The following CHAF1A variants were observed in gnomAD, a reference collection of about 807,000 sequenced individuals.
CHAF1A encodes chromatin assembly factor 1 subunit A.
In CHAF1A, 5 loss-of-function variants were observed where a neutral mutation model predicts 93.2. The ratio of observed to expected loss-of-function variants is 0.05; its 90% confidence interval spans 0.03 to 0.11. The LOEUF (loss-of-function observed/expected upper bound fraction) is 0.11. Ranked by LOEUF, CHAF1A falls within the 10% of genes least tolerant of loss-of-function variation. The pLI is 1.00. For missense variants in CHAF1A, 1,102 were observed against 1,259.9 expected (o/e 0.87, Z 1.90); for synonymous variants, 504 against 510.3 (o/e 0.99, Z 0.17).
Position 4,430,563 on chromosome 19 carries a change from C to T in CHAF1A, c.1869C>T (p.Asp623=), listed in dbSNP as rs371160804. The T allele has an allele frequency of 1.3e-4, 214 of 1,593,300 alleles. No individual in the cohort carries two copies. Among genetic ancestry groups the T allele is most frequent in the Admixed American group, 4.5e-4 (27 of 59,854 alleles). Residue 623 remains aspartate, a synonymous_variant, in exon 11 of 15, where the codon GAC becomes GAT. Transcript: ENST00000301280. The part of the protein sequence containing the change: ...LSHSEGDDDD[D]MGEDEDEDDG... Reference sequence around the variant, plus strand: ...CTCCTTTTGAGGATGATGATGACGACATGGGAGAGGATGAAGATGAGGACG... The same window carrying T: ...CTCCTTTTGAGGATGATGATGACGATATGGGAGAGGATGAAGATGAGGACG...
rs1973964365 is a variant in CHAF1A at position 4,420,101 on chromosome 19, T to C, written c.1017+2025T>C. On this transcript the variant is annotated intron_variant, in intron 4 of 14. Transcript: ENST00000301280. ...GATGTATTGGAACACATTTAGAATT[T>C]TTCCTTAGAGACAAGGGCAGATATC... Among the ~76,000 whole-genome samples the C allele has an allele frequency of 2.6e-5, 4 of 152,150 alleles. No homozygotes were observed. The South Asian group carries it at 8.3e-4, about 32-fold the overall frequency.
intron 3 of CHAF1A, among the ~76,000 whole-genome samples, chr19:4,415,119 A>T (rs1568432543): frequency 6.6e-6 from 1 of 151,910 alleles, no homozygotes; most frequent in Non-Finnish European, 1.5e-5. Context: ...TTGGCAGTTG[A>T]GGGTGCTGTC....
In CHAF1A at chr19:4,409,007, G is replaced by A. The variant is rs997164464; in HGVS notation, c.208G>A (p.Ala70Thr). 7 of 1,614,038 alleles carry A rather than the reference G, an allele frequency of 4.3e-6. No individual in the cohort carries two copies. The Admixed American group carries it at 6.7e-5, about 15-fold the overall frequency. The stretch of plus-strand genomic sequence containing the variant: ...GCAAAGTAAAAGCCCCGATTTAGAG[G>A]CCTCTTTGGACACCTTGGAAAACAA... ...SVQSKSPDLEASLDTLENNCH... is the reference protein window; with the variant it reads ...SVQSKSPDLETSLDTLENNCH... The change falls in exon 3 of 15, where the codon GCC becomes ACC. Residue 70 changes from alanine (A) to threonine (T), a missense_variant. By Grantham distance (58) the Ala-to-Thr change is moderately conservative. Around this residue, in one of 6 missense-constraint regions of CHAF1A, gnomAD observed 379 missense variants for 365.7 expected, o/e 1.04. Coordinates refer to ENST00000301280, the MANE Select transcript of CHAF1A (RefSeq NM_005483.3).
At chr19:4,438,159 AT>A in intron 13 of CHAF1A, among the ~76,000 whole-genome samples, 1 of 152,088 alleles carries the variant, frequency 6.6e-6, no homozygotes, top group South Asian at 2.1e-4. Context: ...TGTATAGATG[AT>A]TTATTGGGTA....
chr19:4,441,782 C>G (rs1406067881), intron 13 of CHAF1A, among the ~76,000 whole-genome samples: 1 of 152,072 alleles, frequency 6.6e-6, no homozygotes, highest in Non-Finnish European at 1.5e-5. Context: ...CCTGTAGTCC[C>G]AGCTACTCAG....
Position 4,433,056 on chromosome 19 carries a change from T to A in CHAF1A, c.2204-14T>A. 1 of 1,533,672 alleles carries A rather than the reference T, an allele frequency of 6.5e-7. No homozygotes were observed. The highest frequency in any genetic ancestry group is 8.8e-7 in the Non-Finnish European group (1 of 1,133,252). ...TCCCCAAGCCTCATGCCCACCCATG[T>A]TCCCTCCTGCCAGTCCTGGCCCAGC... On this transcript the variant is annotated splice_polypyrimidine_tract_variant and intron_variant, in intron 12 of 14. Coordinates refer to ENST00000301280, the MANE Select transcript of CHAF1A (RefSeq NM_005483.3). This position sits in a 1 kb window ranked among gnomAD's most constrained non-coding sequence, Gnocchi z 5.6.
At chr19:4,421,786 A>C (rs1044219075) in intron 4 of CHAF1A, among the ~76,000 whole-genome samples, 2 of 152,260 alleles carry the variant, frequency 1.3e-5, no homozygotes, top group Admixed American at 6.5e-5. Flanking sequence ...AGAAAAATAA[A>C]ATCACTTCTG....
At chr19:4,429,388 A>T in intron 8 of CHAF1A, 50 bp from the exon 9 acceptor site, 1 of 1,585,918 alleles carries the variant, frequency 6.3e-7, no homozygotes, top group Non-Finnish European at 8.6e-7. Context: ...GAGGTTTGTG[A>T]GCAGGTCTGT....
downstream of CHAF1A, among the ~76,000 whole-genome samples, chr19:4,443,885 G>T (rs895772319): frequency 6.6e-6 from 1 of 152,138 alleles, no homozygotes; most frequent in African/African-American, 2.4e-5. Flanking sequence ...CACGGGGAGG[G>T]TCACGCTCGC....
intron 3 of CHAF1A, among the ~76,000 whole-genome samples, chr19:4,410,975 C>G (rs1973786960): frequency 6.6e-6 from 1 of 152,120 alleles, no homozygotes; most frequent in Non-Finnish European, 1.5e-5. Context: ...GTCACGAGTC[C>G]CACGGTGTTT....
chr19:4,436,168 C>T (rs1323263177), intron 13 of CHAF1A, among the ~76,000 whole-genome samples: 3 of 151,860 alleles, frequency 2.0e-5, no homozygotes, highest in South Asian at 4.1e-4. Context: ...AAAAGGTGGT[C>T]GTTAGGGGCA....
At chr19:4,441,643 A>C (rs368547461) in intron 13 of CHAF1A, among the ~76,000 whole-genome samples, 13 of 151,098 alleles carry the variant, frequency 8.6e-5, no homozygotes, top group African/African-American at 3.2e-4. Flanking sequence ...ATGGTGGCTC[A>C]CACCTGTAAT....
chr19:4,446,338 G>A (rs1342592150), downstream of CHAF1A: 3 of 1,571,220 alleles, frequency 1.9e-6, no homozygotes, highest in Non-Finnish European at 2.6e-6. Flanking sequence ...AGTTGTACTT[G>A]CGCAGCCCCC....
chr19:4,408,872 C>G (rs377165063), intron 2 of CHAF1A, 31 bp from the exon 3 acceptor site: 1 of 1,570,544 alleles, frequency 6.4e-7, no homozygotes, highest in East Asian at 2.2e-5. Context: ...TTTAAACGTT[C>G]ACTAGAGATG....
downstream of CHAF1A, chr19:4,448,962 G>A (rs145191302): frequency 6.1e-4 from 95 of 154,872 alleles, 1 homozygote; most frequent in Non-Finnish European, 1.2e-3. Flanking sequence ...TCAATAGCTG[G>A]AAGACGGATA....
At chr19:4,440,253 ATGG>A (rs1266249336) in intron 13 of CHAF1A, among the ~76,000 whole-genome samples, 2 of 152,124 alleles carry the variant, frequency 1.3e-5, no homozygotes, top group Non-Finnish European at 2.9e-5. Flanking sequence ...GTGGAGGCTC[ATGG>A]TGGCCTCTAC....
chr19:4,406,544 C>T (rs573381179), intron 2 of CHAF1A, among the ~76,000 whole-genome samples: 2 of 151,284 alleles, frequency 1.3e-5, no homozygotes, highest in Non-Finnish European at 2.9e-5. Context: ...AAGCAATTCT[C>T]CTCCTTCAGC....
Position 4,409,410 on chromosome 19 carries a change from C to G in CHAF1A, c.611C>G (p.Pro204Arg), listed in dbSNP as rs758235903. Reference protein sequence around the residue: ...GRRGDSQECSPRSCPELTSGP... With the variant: ...GRRGDSQECSRRSCPELTSGP... ...AGAGGCGACTCCCAGGAATGTTCGC[C>G]ACGGAGCTGCCCGGAGCTGACGAGT... Residue 204 changes from proline to arginine, a missense_variant, in exon 3 of 15, where the codon CCA (proline) becomes CGA (arginine). Transcript: ENST00000301280. 6.2e-7 allele frequency: 1 copy of G among 1,614,142 alleles called. No individual in the cohort carries two copies. Among genetic ancestry groups the G allele is most frequent in the South Asian group, 1.1e-5 (1 of 91,080 alleles).
At chr19:4,445,421 G>A (rs748780485), downstream of CHAF1A, 2 of 1,591,508 alleles carry the variant, frequency 1.3e-6, no homozygotes, top group Non-Finnish European at 1.7e-6. Context: ...GTGGCTTGGA[G>A]GCCCTGGGGT....
Sources: allele counts gnomAD v4.1 joint callset (sites outside exome capture counted in the v4.1 genomes callset), GRCh38; gene constraint gnomAD v4.1.1; regional missense constraint gnomAD v4.1.1; non-coding constraint Gnocchi (gnomAD v3.1); transcripts MANE v1.5; gene names NCBI Gene and HGNC (gene_info 2026-07-23, HGNC 2026-07-21).